MAGI2: variants seen among roughly 807,000 people sequenced by gnomAD.
The protein encoded by MAGI2 is membrane-associated guanylate kinase, WW and PDZ domain-containing protein 2.
MAGI2 carries 35 observed loss-of-function variants against 133.3 expected under a neutral mutation model. The ratio of observed to expected loss-of-function variants is 0.26; its 90% CI spans 0.20 to 0.35. The LOEUF is 0.35. Among genes scored for constraint, MAGI2 ranks in the 10% least tolerant of loss-of-function variants. The pLI is 1.00. For synonymous variants in MAGI2, 729 were observed against 710.6 expected (o/e 1.03, Z -0.41); for missense variants, 1,636 against 1,863.4 (o/e 0.88, Z 2.25).
At chr7:78,542,813 C>G (rs1482855599) in intron 3 of MAGI2, among the ~76,000 whole-genome samples, 2 of 152,136 alleles carry the variant, frequency 1.3e-5, no homozygotes, top group Non-Finnish European at 2.9e-5. Context: ...AGGTTTTATG[C>G]AAGGGGCTAA....
intron 10 of MAGI2, among the ~76,000 whole-genome samples, chr7:78,222,572 A>G (rs1788938095): frequency 6.6e-6 from 1 of 152,198 alleles, no homozygotes; most frequent in Admixed American, 6.5e-5. Context: ...AGGATTTTAA[A>G]ACTACTTTTG....
intron 1 of MAGI2, among the ~76,000 whole-genome samples, chr7:79,137,544 C>G (rs1345476510): frequency 6.6e-6 from 1 of 151,108 alleles, no homozygotes; most frequent in East Asian, 2.0e-4. Context: ...CCTCCATCTC[C>G]CAGGTTCAAG....
intron 10 of MAGI2, among the ~76,000 whole-genome samples, chr7:78,233,126 G>C (rs1414062992): frequency 1.3e-5 from 2 of 152,186 alleles, no homozygotes. Flanking sequence ...GAGAACCATG[G>C]AGGGGTATTA....
intron 1 of MAGI2, among the ~76,000 whole-genome samples, chr7:79,328,078 A>G (rs760570423): frequency 3.3e-5 from 5 of 152,206 alleles, no homozygotes; most frequent in Non-Finnish European, 7.3e-5. Flanking sequence ...ACTATCAAAA[A>G]TATCAATGTG....
intron 4 of MAGI2, among the ~76,000 whole-genome samples, chr7:78,507,245 C>T (rs1187534904): frequency 6.6e-6 from 1 of 152,016 alleles, no homozygotes; most frequent in Non-Finnish European, 1.5e-5. Context: ...CATAACATTC[C>T]CATATTTATT....
chr7:78,403,251 T>C (rs1297435830), intron 6 of MAGI2, among the ~76,000 whole-genome samples: 2 of 151,992 alleles, frequency 1.3e-5, no homozygotes, highest in Admixed American at 6.6e-5. Flanking sequence ...ACATGCGGTG[T>C]TTGGTTTTCT....
chr7:78,019,271 A>G lies in MAGI2; in HGVS notation c.*44T>C. 6.4e-7 allele frequency: 1 copy of G among 1,573,698 alleles called. No homozygotes were observed. The highest frequency in any genetic ancestry group is 1.7e-5 in the Admixed American group (1 of 57,228). On this transcript the variant is annotated 3_prime_UTR_variant, in exon 22 of 22. Coordinates refer to ENST00000354212, the MANE Select transcript of MAGI2 (RefSeq NM_012301.4). Reference sequence around the variant, plus strand: ...ACGCCGTGAGACGGAACCTAAGAAGAACTGCCTGCGCCGGGGCGGGCGGGT... The same window carrying G: ...ACGCCGTGAGACGGAACCTAAGAAGGACTGCCTGCGCCGGGGCGGGCGGGT...
chr7:78,859,697 T>G (rs57524784), intron 2 of MAGI2, among the ~76,000 whole-genome samples: 142,700 of 152,056 alleles, frequency 0.94, 67,491 homozygotes, highest in Non-Finnish European at 1. Flanking sequence ...TCAACTTTGT[T>G]AATCTGACAA....
At chr7:78,127,850 AT>A (rs1269573915) in intron 18 of MAGI2, among the ~76,000 whole-genome samples, 1 of 152,202 alleles carries the variant, frequency 6.6e-6, no homozygotes, top group African/African-American at 2.4e-5. Flanking sequence ...CCCTTGGCAG[AT>A]CATTCATTAC....
intron 3 of MAGI2, among the ~76,000 whole-genome samples, chr7:78,524,132 G>A (rs1017076627): frequency 1.3e-5 from 2 of 152,128 alleles, no homozygotes; most frequent in African/African-American, 2.4e-5. Context: ...CAAGGAAGCA[G>A]AAGAGATGTG....
intron 9 of MAGI2, chr7:78,285,792 A>G (rs1796089561): frequency 6.6e-6 from 1 of 152,112 alleles, no homozygotes; most frequent in African/African-American, 2.4e-5. Flanking sequence ...TTTTCAGGTG[A>G]TGCCAATGCT....
intron 1 of MAGI2, among the ~76,000 whole-genome samples, chr7:79,134,000 C>T (rs192025358): frequency 6.6e-6 from 1 of 152,288 alleles, no homozygotes; most frequent in African/African-American, 2.4e-5. Flanking sequence ...ATAATACATA[C>T]ACATATCTTC....
intron 6 of MAGI2, among the ~76,000 whole-genome samples, chr7:78,453,418 C>A (rs566313789): frequency 1.3e-5 from 2 of 152,350 alleles, no homozygotes; most frequent in Admixed American, 6.5e-5. Context: ...GCATTAGGTA[C>A]CTGCCAGAAT....
At chr7:79,356,954 G>T (rs1038662772) in intron 1 of MAGI2, among the ~76,000 whole-genome samples, 3 of 152,142 alleles carry the variant, frequency 2.0e-5, no homozygotes, top group Non-Finnish European at 2.9e-5. Flanking sequence ...CCTCTCAAAA[G>T]AAGAAAAGGA....
intron 1 of MAGI2, among the ~76,000 whole-genome samples, chr7:79,158,630 G>T (rs1447967454): frequency 6.6e-6 from 1 of 152,008 alleles, no homozygotes; most frequent in African/African-American, 2.4e-5. Flanking sequence ...TTGGCTTAAT[G>T]AAAATAGTCA....
At chr7:79,396,772 G>T (rs11976606) in intron 1 of MAGI2, among the ~76,000 whole-genome samples, 2 of 151,748 alleles carry the variant, frequency 1.3e-5, no homozygotes, top group African/African-American at 4.8e-5. Context: ...AGCCTAATAC[G>T]TATTACTTTT....
At chr7:78,490,833 C>T (rs1406528940) in intron 5 of MAGI2, among the ~76,000 whole-genome samples, 1 of 151,936 alleles carries the variant, frequency 6.6e-6, no homozygotes, top group Non-Finnish European at 1.5e-5. Flanking sequence ...GACAAATTAT[C>T]AAGAATGTGA....
At chr7:79,186,748 A>G (rs1036481188) in intron 1 of MAGI2, among the ~76,000 whole-genome samples, 1 of 79,994 alleles carries the variant, frequency 1.3e-5, no homozygotes, top group Non-Finnish European at 2.9e-5. Flanking sequence ...TATTTATACA[A>G]AAGTATATAT....
At chr7:78,055,052 GT>G (rs201386949) in intron 21 of MAGI2, among the ~76,000 whole-genome samples, 2,368 of 152,170 alleles carry the variant, frequency 0.016, 66 homozygotes, top group African/African-American at 0.054. Flanking sequence ...ACAGGCGTGT[GT>G]TTTTTTTAAA....
Sources: allele counts gnomAD v4.1 joint callset (sites outside exome capture counted in the v4.1 genomes callset), GRCh38; gene constraint gnomAD v4.1.1; transcripts MANE v1.5; gene names NCBI Gene and HGNC (gene_info 2026-07-23, HGNC 2026-07-21).